The following TRPM1 variants were observed in gnomAD, a reference collection of about 807,000 sequenced individuals.
The protein encoded by TRPM1 is TRPM1-203 APA Isoform, Intron 10.
Under a neutral mutation model 149.4 loss-of-function variants are expected in TRPM1, and 113 were observed. The ratio of observed to expected loss-of-function variants is 0.76; its 90% CI spans 0.65 to 0.88. TRPM1 has a LOEUF of 0.88. TRPM1 is among the 40% of genes least tolerant of loss of function. The pLI is 0.00. For missense variants in TRPM1, 1,976 were observed against 2,038.7 expected, an observed-to-expected ratio of 0.97 and a Z score of 0.59; for synonymous variants, 741 against 759.5, an observed-to-expected ratio of 0.98 and a Z score of 0.40.
At chr15:31,118,431 A>G (rs1315032148) in intron 1 of TRPM1, among the ~76,000 whole-genome samples, 1 of 152,190 alleles carries the variant, frequency 6.6e-6, no homozygotes, top group African/African-American at 2.4e-5. Flanking sequence ...GTTGAAAAAC[A>G]TTAAGCATGA....
At chr15:31,054,287 T>A (rs1010404184) in intron 11 of TRPM1, among the ~76,000 whole-genome samples, 1 of 152,120 alleles carries the variant, frequency 6.6e-6, no homozygotes, top group African/African-American at 2.4e-5. Context: ...ATGTTTTTTG[T>A]TTGTTTGTTT....
chr15:31,038,044 C>G lies in TRPM1; in HGVS notation c.2439G>C (p.Thr813=). ...EDGKEKEEEN[T]DANADAGSRK... is the part of the protein sequence containing the mutation. Reference sequence around the variant, plus strand: ...GCTTAGGGTCAAGTGTGTCACTGACCGTATTTTCCTCTTCTTTTTCTTTGC... The same window carrying G: ...GCTTAGGGTCAAGTGTGTCACTGACGGTATTTTCCTCTTCTTTTTCTTTGC... The change falls in exon 19 of 28, where the codon ACG becomes ACC. Residue 813 remains threonine (T), a splice_region_variant and synonymous_variant. Coordinates refer to ENST00000256552, the MANE Select transcript of TRPM1 (RefSeq NM_001252024.2). 2 of 1,614,048 alleles carry G rather than the reference C, an allele frequency of 1.2e-6. No individual in the cohort carries two copies. The highest frequency in any genetic ancestry group is 1.7e-6 in the Non-Finnish European group (2 of 1,179,980).
In TRPM1 at chr15:31,033,104, A is replaced by C. The variant is rs562164782; in HGVS notation, c.2701-164T>G. 6.3e-6 allele frequency: 6 copies of C among 945,874 alleles called. No individual in the cohort carries two copies. The Admixed American group carries it at 1.3e-4, about 20-fold the overall frequency. 58.6% of individuals were successfully genotyped at this position (945,874 alleles called of 1,614,324 possible). On this transcript the variant is annotated intron_variant, in intron 21 of 27. Transcript: ENST00000256552. ...TCTCAGGCAGGGAGAGATATCTAGA[A>C]AGGGAAATTCCACGGAATCCTCCCT... is the stretch of plus-strand genomic sequence containing the variant.
At chr15:31,023,633 TTGA>T (rs1418697056) in intron 27 of TRPM1, among the ~76,000 whole-genome samples, 4 of 152,126 alleles carry the variant, frequency 2.6e-5, no homozygotes, top group Non-Finnish European at 5.9e-5. Flanking sequence ...TAAACAGAAC[TTGA>T]TGATTGTTAG....
chr15:31,012,118 TA>T (rs1331749474), intron 27 of TRPM1, among the ~76,000 whole-genome samples: 27 of 152,250 alleles, frequency 1.8e-4, no homozygotes, highest in African/African-American at 6.5e-4. Context: ...GGTTGTCTTG[TA>T]AATCATGTAG....
At chr15:31,061,013 G>T (rs2034217031) in intron 10 of TRPM1, among the ~76,000 whole-genome samples, 1 of 152,180 alleles carries the variant, frequency 6.6e-6, no homozygotes, top group Admixed American at 6.5e-5. Flanking sequence ...ATGGCACCAG[G>T]CTAACTGAGA....
chr15:31,136,299 T>C (rs951144332), intron 1 of TRPM1, among the ~76,000 whole-genome samples: 13 of 152,190 alleles, frequency 8.5e-5, no homozygotes, highest in Non-Finnish European at 1.5e-4. Context: ...TCCATGTGCC[T>C]GTCTCTCCCA....
intron 1 of TRPM1, among the ~76,000 whole-genome samples, chr15:31,114,949 T>C (rs1156670453): frequency 6.6e-6 from 1 of 152,218 alleles, no homozygotes; most frequent in Non-Finnish European, 1.5e-5. Flanking sequence ...CAATAATATC[T>C]TGCAGGAGTT....
chr15:31,027,654 T>G (rs377025957), intron 25 of TRPM1, among the ~76,000 whole-genome samples: 5 of 152,352 alleles, frequency 3.3e-5, no homozygotes, highest in African/African-American at 1.2e-4. Context: ...ACCAGTTACC[T>G]TCCCTGACCT....
chr15:31,089,186 G>A (rs1424313781), intron 1 of TRPM1, among the ~76,000 whole-genome samples: 1 of 152,216 alleles, frequency 6.6e-6, no homozygotes, highest in Non-Finnish European at 1.5e-5. Context: ...TTGTGCAACA[G>A]GAGTGGTCAT....
At chr15:31,074,480 A>G (rs1284024133) in intron 3 of TRPM1, among the ~76,000 whole-genome samples, 1 of 152,160 alleles carries the variant, frequency 6.6e-6, no homozygotes, top group Non-Finnish European at 1.5e-5. Flanking sequence ...ATTTGTTTGC[A>G]TATAAGTCAT....
At chr15:31,094,070 A>G (rs891692317) in intron 1 of TRPM1, among the ~76,000 whole-genome samples, 6 of 152,374 alleles carry the variant, frequency 3.9e-5, no homozygotes, top group South Asian at 2.1e-4. Flanking sequence ...TCTATGTCCA[A>G]GTGATTTTTA....
intron 1 of TRPM1, among the ~76,000 whole-genome samples, chr15:31,114,052 C>T (rs1364147104): frequency 1.3e-5 from 2 of 152,124 alleles, no homozygotes; most frequent in African/African-American, 4.8e-5. Context: ...CTGATTGGTG[C>T]ATTTACAATC....
chr15:31,102,212 C>T (rs1247128805), upstream of TRPM1, among the ~76,000 whole-genome samples: 1 of 152,182 alleles, frequency 6.6e-6, no homozygotes, highest in Non-Finnish European at 1.5e-5. Context: ...GACTCTCAGC[C>T]CCTTCTGAGT....
Position 31,002,392 on chromosome 15 carries a change from G to T in TRPM1, c.4308C>A (p.Pro1436=), listed in dbSNP as rs138216783. Residue 1436 remains proline (P), a synonymous_variant, in exon 28 of 28, where the codon CCC becomes CCA. Transcript: ENST00000256552. The part of the protein sequence containing the change: ...TTNIEGTISY[P]LEETKITRYF... Reference sequence around the variant, plus strand: ...AGCGTGTAATTTTGGTTTCTTCCAGGGGATAGGAAATAGTGCCTTCTATAT... The same window carrying T: ...AGCGTGTAATTTTGGTTTCTTCCAGTGGATAGGAAATAGTGCCTTCTATAT... The T allele has an allele frequency of 9.7e-4, 1,563 of 1,614,188 alleles. 1 individual carries two copies. The highest frequency in any genetic ancestry group is 1.2e-3 in the Non-Finnish European group (1,428 of 1,180,026).
chr15:31,001,337 T>G lies in TRPM1; in HGVS notation c.*485A>C, dbSNP rs1053706121. On this transcript the variant is annotated 3_prime_UTR_variant, in exon 28 of 28. Transcript: ENST00000256552. ...TCTTTCTTACACAGTTGCTTACTTT[T>G]TTTTTTTTTTTTAAGAGATGGGGTA... is the stretch of plus-strand genomic sequence containing the variant. The G allele has an allele frequency of 1.3e-5, 2 of 152,472 alleles. No individual in the cohort carries two copies. The highest frequency in any genetic ancestry group is 4.8e-5 in the African/African-American group (2 of 41,356). 9.4% of individuals were successfully genotyped at this position (152,472 alleles called of 1,614,324 possible).
chr15:31,109,604 G>T lies in TRPM1; in HGVS notation c.55-32620C>A, dbSNP rs541278741. Among the ~76,000 whole-genome samples, 25 of 150,692 alleles carry T rather than the reference G, an allele frequency of 1.7e-4. No homozygotes were observed. The South Asian group carries it at 5.3e-3, about 32-fold the overall frequency. On this transcript the variant is annotated intron_variant, in intron 1 of 26. Transcript: ENST00000542188. Reference sequence around the variant, plus strand: ...AATCCCAGCTATTATGGAGGCTGAGGCAGGAGAATCTCTTGAACCTGGGAG... The same window carrying T: ...AATCCCAGCTATTATGGAGGCTGAGTCAGGAGAATCTCTTGAACCTGGGAG...
At chr15:31,079,755 C>T (rs2140981318) in intron 2 of TRPM1, among the ~76,000 whole-genome samples, 1 of 152,308 alleles carries the variant, frequency 6.6e-6, no homozygotes, top group African/African-American at 2.4e-5. Flanking sequence ...TCATACATTC[C>T]CTGGCTCCCT....
At chr15:31,015,508 ACAG>A (rs2032329790) in intron 27 of TRPM1, among the ~76,000 whole-genome samples, 1 of 152,206 alleles carries the variant, frequency 6.6e-6, no homozygotes, top group Admixed American at 6.5e-5. Context: ...GTTATAAGGA[ACAG>A]CCTCTTTGCC....
Sources: allele counts gnomAD v4.1 joint callset (sites outside exome capture counted in the v4.1 genomes callset), GRCh38; gene constraint gnomAD v4.1.1; transcripts MANE v1.5; gene names NCBI Gene and HGNC (gene_info 2026-07-23, HGNC 2026-07-21).